DNAH9: variants seen among roughly 807,000 people sequenced by gnomAD.
DNAH9 encodes DNAH9 variant protein.
In DNAH9, 345 loss-of-function variants were observed where a neutral mutation model predicts 471.6. The observed-to-expected ratio is 0.73, with a 90% CI of 0.67 to 0.80. DNAH9 has a LOEUF of 0.80. Ranked by LOEUF, DNAH9 falls within the 30% of genes least tolerant of loss-of-function variation. The pLI, the probability that DNAH9 is intolerant of heterozygous loss-of-function variation, is 0.00. For missense variants in DNAH9, 5,407 were observed against 5,609.2 expected, an observed-to-expected ratio of 0.96 and a Z score of 1.15; for synonymous variants, 2,093 against 2,123.6, an observed-to-expected ratio of 0.99 and a Z score of 0.40.
At chr17:11,726,298 C>T (rs1490740040) in intron 27 of DNAH9, among the ~76,000 whole-genome samples, 1 of 152,062 alleles carries the variant, frequency 6.6e-6, no homozygotes, top group East Asian at 1.9e-4. Context: ...CTGAGAAAAT[C>T]AGGGGTTATG....
chr17:11,778,329 CAAAA>C (rs57983162), intron 38 of DNAH9, among the ~76,000 whole-genome samples: 686 of 48,626 alleles, frequency 0.014, 7 homozygotes, highest in South Asian at 0.027. Flanking sequence ...GACTCCATCT[CAAAA>C]AAAAAAAAAA....
At chr17:11,701,045 G>A in intron 23 of DNAH9, 77 bp from the exon 24 acceptor site, 3 of 1,518,364 alleles carry the variant, frequency 2.0e-6, no homozygotes, top group Non-Finnish European at 2.7e-6. Context: ...CACTCCCTCA[G>A]ACTGAGTGGA....
intron 65 of DNAH9, 83 bp downstream of exon 65, chr17:11,934,154 A>T: frequency 6.9e-7 from 1 of 1,457,756 alleles, no homozygotes; most frequent in Non-Finnish European, 9.4e-7. Context: ...CTGCACCACC[A>T]GGGAAGCCTC....
chr17:11,853,759 C>A (rs1971519446), intron 49 of DNAH9, among the ~76,000 whole-genome samples: 1 of 152,144 alleles, frequency 6.6e-6, no homozygotes, highest in Non-Finnish European at 1.5e-5. Flanking sequence ...TAATGGGCTG[C>A]GAGTCAGTTA....
chr17:11,802,592 G>A (rs544529176), intron 43 of DNAH9, among the ~76,000 whole-genome samples: 16 of 149,410 alleles, frequency 1.1e-4, no homozygotes, highest in East Asian at 5.9e-4. Flanking sequence ...AGATCGTGCC[G>A]CTGCATTCCA....
rs3070094 is a variant in DNAH9, at chr17:11,812,054, T to TAC, written c.8707+1689_8707+1690dup. Among the ~76,000 whole-genome samples the TAC allele has an allele frequency of 8.6e-3, 407 of 47,356 alleles. 53 individuals carry two copies. Among genetic ancestry groups the TAC allele is most frequent in the Non-Finnish European group, 0.017 (337 of 19,982 alleles). 31.1% of individuals were successfully genotyped at this position (47,356 alleles called of 152,430 possible). On this transcript the variant is annotated intron_variant, in intron 45 of 68. Transcript: ENST00000262442. Reference sequence around the variant, plus strand: ...ATATATATATATATATATATATATATACACATACATACACACATACATCCA... The same window carrying TAC: ...ATATATATATATATATATATATATATACACACATACATACACACATACATCCA...
rs891699110 is a variant in DNAH9, at chr17:11,611,562, C to A, written c.774-88C>A. The A allele has an allele frequency of 3.6e-6, 5 of 1,382,452 alleles. No homozygotes were observed. In the African/African-American group the frequency reaches 7.2e-5, roughly 20 times the overall value. 85.6% of individuals were successfully genotyped at this position (1,382,452 alleles called of 1,614,324 possible). ...GTGGAAGCACCCCGAGGCAGGGCTC[C>A]TCTCTTTCTGTGTGACGATGGGTCA... On this transcript the variant is annotated intron_variant, in intron 3 of 68. Transcript: ENST00000262442.
Position 11,891,763 on chromosome 17 carries a change from T to C in DNAH9, c.11113-14T>C. ...GGCTGTGTACCTTACCAGTTTCCTGTCTTCTGTCCCCAGGCCTTCAGTATC... is the reference window on the plus strand; with the variant it reads ...GGCTGTGTACCTTACCAGTTTCCTGCCTTCTGTCCCCAGGCCTTCAGTATC... On this transcript the variant is annotated splice_polypyrimidine_tract_variant and intron_variant, in intron 57 of 68. Transcript: ENST00000262442. 6.2e-7 allele frequency: 1 copy of C among 1,613,064 alleles called. No individual in the cohort carries two copies. Among genetic ancestry groups the C allele is most frequent in the South Asian group, 1.1e-5 (1 of 91,008 alleles).
chr17:11,869,168 G>C lies in DNAH9; in HGVS notation c.9968G>C (p.Arg3323Thr). The C allele has an allele frequency of 1.2e-6, 2 of 1,613,782 alleles. No homozygotes were observed. The highest frequency in any genetic ancestry group is 1.7e-6 in the Non-Finnish European group (2 of 1,179,832). ...LNENLAKLTA[R>T]FEKATADKLK... ...GAAAACCTGGCAAAGCTCACAGCCA[G>C]GTTTGAGAAAGCAACAGCAGACAAA... The change falls in exon 51 of 69, where the codon AGG becomes ACG. Residue 3323 changes from arginine (R) to threonine (T), a missense_variant. Transcript: ENST00000262442.
rs71142241 is a variant in DNAH9 at position 11,748,148 on chromosome 17, CAAAAAAAAAAAA to C, written c.6610+400_6610+411del. On this transcript the variant is annotated intron_variant, in intron 32 of 68. Coordinates refer to ENST00000262442, the MANE Select transcript of DNAH9 (RefSeq NM_001372.4). ...TGAAACCCTGTCTCTACTAAAAATA[CAAAAAAAAAAAA>C]AAAAAAAAAAAAAAAAATCAGCTGG... Among the ~76,000 whole-genome samples the C allele has an allele frequency of 2.6e-3, 169 of 64,674 alleles. 2 individuals are homozygous for C. The highest frequency in any genetic ancestry group is 9.7e-3 in the African/African-American group (155 of 15,946). The allele number at this position is 64,674 out of a possible 152,430, so 42.4% of individuals were successfully genotyped here.
intron 32 of DNAH9, among the ~76,000 whole-genome samples, chr17:11,752,353 T>C (rs564239958): frequency 6.6e-6 from 1 of 152,346 alleles, no homozygotes; most frequent in South Asian, 2.1e-4. Context: ...AAGCTTGTAC[T>C]ATCAGGAGTT....
chr17:11,705,193 C>G lies in DNAH9; in HGVS notation c.5552+8C>G, dbSNP rs2074678405. 1.2e-6 allele frequency: 2 copies of G among 1,613,438 alleles called. No homozygotes were observed. Among genetic ancestry groups the G allele is most frequent in the Non-Finnish European group, 1.7e-6 (2 of 1,179,500 alleles). ...CACACCTTTGACTGACAGGTGAGCA[C>G]TGGTGTCAACCACTGACAGCCTTAC... On this transcript the variant is annotated splice_region_variant and intron_variant, in intron 26 of 68. Coordinates refer to ENST00000262442, the MANE Select transcript of DNAH9 (RefSeq NM_001372.4).
intron 50 of DNAH9, among the ~76,000 whole-genome samples, chr17:11,866,868 T>G (rs992176447): frequency 6.6e-6 from 1 of 152,228 alleles, no homozygotes; most frequent in Non-Finnish European, 1.5e-5. Context: ...TTTAAGGCCA[T>G]CGGAAAAGGG....
chr17:11,725,044 C>T (rs1421883018), intron 27 of DNAH9, among the ~76,000 whole-genome samples: 7 of 152,182 alleles, frequency 4.6e-5, no homozygotes, highest in Non-Finnish European at 1.0e-4. Flanking sequence ...TTCATGCTCT[C>T]ATGAGAATCC....
At chr17:11,680,243 G>GAAA (rs779003153) in intron 18 of DNAH9, among the ~76,000 whole-genome samples, 1 of 142,930 alleles carries the variant, frequency 7.0e-6, no homozygotes. Flanking sequence ...TTTTGGTTGA[G>GAAA]AAAAAAAAAA....
intron 50 of DNAH9, among the ~76,000 whole-genome samples, chr17:11,859,593 G>T (rs1339669372): frequency 2.0e-5 from 3 of 152,154 alleles, no homozygotes; most frequent in Non-Finnish European, 4.4e-5. Flanking sequence ...GTAAAGAAAA[G>T]GAGTTTAATC....
rs779205410 is a variant in DNAH9 at position 11,783,694 on chromosome 17, T to C, written c.7767T>C (p.Tyr2589=). The C allele has an allele frequency of 4.2e-5, 67 of 1,614,130 alleles. No homozygotes were observed. The highest frequency in any genetic ancestry group is 5.5e-5 in the Non-Finnish European group (65 of 1,180,030). ...LSLKEITNVQ[Y]VSCMNPTAGS... is the part of the protein sequence containing the mutation. ...TAAAGGAGATCACAAATGTACAGTA[T>C]GTTTCCTGTATGAACCCCACGGCAG... The change falls in exon 40 of 69, where the codon TAT becomes TAC. Residue 2589 remains tyrosine, a synonymous_variant. Coordinates refer to ENST00000262442, the MANE Select transcript of DNAH9 (RefSeq NM_001372.4).
At chr17:11,716,556 AATG>A (rs2150797319) in intron 26 of DNAH9, among the ~76,000 whole-genome samples, 1 of 152,284 alleles carries the variant, frequency 6.6e-6, no homozygotes, top group African/African-American at 2.4e-5. Flanking sequence ...AGGGGAAGAC[AATG>A]ATATTTTGAC....
chr17:11,840,056 C>T (rs1970978382), intron 49 of DNAH9, among the ~76,000 whole-genome samples: 2 of 152,234 alleles, frequency 1.3e-5, no homozygotes, highest in Non-Finnish European at 2.9e-5. Flanking sequence ...AGCAATCCCT[C>T]TTTTGGGTAT....
Sources: allele counts gnomAD v4.1 joint callset (sites outside exome capture counted in the v4.1 genomes callset), GRCh38; gene constraint gnomAD v4.1.1; transcripts MANE v1.5; gene names NCBI Gene and HGNC (gene_info 2026-07-23, HGNC 2026-07-21).